CMIP: variants seen among roughly 807,000 people sequenced by gnomAD.
CMIP encodes the protein c-Maf inducing protein, also known as C-Maf-inducing protein.
In CMIP, 13 loss-of-function variants were observed where a neutral mutation model predicts 97.3. The ratio of observed to expected loss-of-function variants is 0.13; its 90% confidence interval spans 0.09 to 0.21. The LOEUF (loss-of-function observed/expected upper bound fraction) is 0.21. CMIP is among the 10% of genes least tolerant of loss of function. The probability of loss-of-function intolerance (pLI) is 1.00; values close to 1 mark genes in which losing one functional copy is unlikely to be tolerated. For missense variants in CMIP, 847 were observed against 1,024.9 expected (o/e 0.83, Z 2.37); for synonymous variants, 538 against 436.3 (o/e 1.23, Z -2.91).
intron 3 of CMIP, among the ~76,000 whole-genome samples, chr16:81,624,337 A>G (rs1284182765): frequency 2.6e-5 from 4 of 152,144 alleles, no homozygotes; most frequent in Admixed American, 2.6e-4. Context: ...CGTTAGGTAT[A>G]TCTCCTAATG....
chr16:81,646,767 T>C (rs944677626), intron 3 of CMIP, among the ~76,000 whole-genome samples: 3 of 152,220 alleles, frequency 2.0e-5, no homozygotes, highest in Non-Finnish European at 2.9e-5. Context: ...CTTAGTGTAG[T>C]GGTTATGAGT....
chr16:81,605,558 C>A (rs1457510463), intron 1 of CMIP, among the ~76,000 whole-genome samples: 1 of 152,226 alleles, frequency 6.6e-6, no homozygotes, highest in Non-Finnish European at 1.5e-5. Context: ...ACCAGCCTCT[C>A]CAGGAGTGAC....
At chr16:81,661,051 C>A (rs772457313) in intron 6 of CMIP, 105 bp downstream of exon 6, 1 of 1,388,826 alleles carries the variant, frequency 7.2e-7, no homozygotes, top group East Asian at 2.3e-5. Context: ...TGGGCCCCAC[C>A]GTCTTGGGTC....
Position 81,513,646 on chromosome 16 carries a change from G to A in CMIP, c.300+68105G>A, listed in dbSNP as rs142521940. ...TCCGTTCTGGCCTGGCTGCTGTGCA[G>A]ACCCGTGGGTCTAGGCAATGGGGCA... On this transcript the variant is annotated intron_variant, in intron 1 of 20. Coordinates refer to ENST00000537098, the MANE Select transcript of CMIP (RefSeq NM_198390.3). 3.0e-4 allele frequency among the ~76,000 whole-genome samples: 45 copies of A among 152,360 alleles called. 1 individual carries two copies. Among genetic ancestry groups the A allele is most frequent in the African/African-American group, 1.1e-3 (44 of 41,588 alleles).
chr16:81,553,292 A>C (rs1176832196), intron 1 of CMIP, among the ~76,000 whole-genome samples: 2 of 152,142 alleles, frequency 1.3e-5, no homozygotes, highest in African/African-American at 4.8e-5. Context: ...GGAGCAGGCC[A>C]TGCCCCCAGG....
At chr16:81,661,002 C>T (rs2092539655) in intron 6 of CMIP, 56 bp downstream of exon 6, 2 of 1,605,064 alleles carry the variant, frequency 1.2e-6, no homozygotes, top group Non-Finnish European at 1.7e-6. Context: ...CCTCTGTGCG[C>T]ATACCAGGGA....
At chr16:81,564,280 T>C (rs2090939307) in intron 1 of CMIP, among the ~76,000 whole-genome samples, 1 of 152,188 alleles carries the variant, frequency 6.6e-6, no homozygotes. Flanking sequence ...TCACCCCTAC[T>C]TCCAACCCCA....
intron 18 of CMIP, 54 bp downstream of exon 18, chr16:81,704,139 A>G (rs1026607300): frequency 2.1e-6 from 3 of 1,451,680 alleles, no homozygotes; most frequent in Non-Finnish European, 2.8e-6. Flanking sequence ...TCACCTCTGC[A>G]CTCTCCTCCC....
At chr16:81,703,432 C>G (rs557930898) in intron 17 of CMIP, among the ~76,000 whole-genome samples, 16 of 152,072 alleles carry the variant, frequency 1.1e-4, no homozygotes, top group African/African-American at 3.6e-4. Context: ...GAGCTGCTGC[C>G]CAGGAGTGAG....
At chr16:81,589,027 G>A (rs1487128915) in intron 1 of CMIP, among the ~76,000 whole-genome samples, 1 of 151,928 alleles carries the variant, frequency 6.6e-6, no homozygotes, top group Non-Finnish European at 1.5e-5. Context: ...AAAAATGTAT[G>A]AAAGGCCATA....
At chr16:81,581,333 A>AACATTCT (rs1297334467) in intron 1 of CMIP, among the ~76,000 whole-genome samples, 1 of 152,118 alleles carries the variant, frequency 6.6e-6, no homozygotes, top group Non-Finnish European at 1.5e-5. Context: ...AACATCCTGG[A>AACATTCT]GTGTGCTCAC....
intron 1 of CMIP, among the ~76,000 whole-genome samples, chr16:81,576,399 G>T (rs1375172518): frequency 1.3e-5 from 2 of 151,996 alleles, no homozygotes; most frequent in Non-Finnish European, 2.9e-5. Flanking sequence ...GCAAGACTCT[G>T]TCTCAAAAAA....
At chr16:81,512,278 C>T (rs1490341740) in intron 1 of CMIP, among the ~76,000 whole-genome samples, 2 of 152,140 alleles carry the variant, frequency 1.3e-5, no homozygotes, top group Non-Finnish European at 2.9e-5. Context: ...TGCCTCACTC[C>T]AGGGTCCCTC....
intron 1 of CMIP, among the ~76,000 whole-genome samples, chr16:81,590,319 G>A (rs1446513594): frequency 2.0e-5 from 3 of 152,144 alleles, no homozygotes; most frequent in Non-Finnish European, 2.9e-5. Flanking sequence ...TTGCTGGAAG[G>A]CACTGTCCCC....
At chr16:81,560,104 G>A (rs955907011) in intron 1 of CMIP, among the ~76,000 whole-genome samples, 6 of 147,964 alleles carry the variant, frequency 4.1e-5, no homozygotes, top group African/African-American at 7.4e-5. Context: ...CCCTGTCTGC[G>A]TCACTGCACT....
chr16:81,643,383 A>G (rs1008209475), intron 3 of CMIP, among the ~76,000 whole-genome samples: 1 of 152,238 alleles, frequency 6.6e-6, no homozygotes, highest in Non-Finnish European at 1.5e-5. Context: ...GGGAGAGTAC[A>G]ATAGGAAGTA....
intron 5 of CMIP, among the ~76,000 whole-genome samples, chr16:81,658,512 C>T (rs972663184): frequency 6.6e-6 from 1 of 152,120 alleles, no homozygotes; most frequent in Admixed American, 6.5e-5. Flanking sequence ...GATAAACTCC[C>T]CTGGGAAAGG....
intron 8 of CMIP, among the ~76,000 whole-genome samples, chr16:81,670,623 G>A (rs1418049497): frequency 5.0e-4 from 19 of 37,724 alleles, no homozygotes; most frequent in African/African-American, 1.7e-3. Flanking sequence ...TTTTTTTTGG[G>A]GGGGGGGGGG....
At chr16:81,609,139 C>T (rs761282220) in intron 2 of CMIP, among the ~76,000 whole-genome samples, 7 of 152,196 alleles carry the variant, frequency 4.6e-5, no homozygotes, top group African/African-American at 7.2e-5. Context: ...CTGCCCTCTA[C>T]GCTTTTCTTT....
Sources: gnomAD v4.1 joint callset for allele counts (sites outside exome capture counted in the v4.1 genomes callset) on GRCh38, gnomAD v4.1.1 for gene constraint, MANE v1.5 for transcripts, NCBI Gene and HGNC (gene_info 2026-07-23, HGNC 2026-07-21) for gene names.